The following BTAF1 variants were observed in gnomAD, a reference collection of about 807,000 sequenced individuals.
BTAF1 encodes the protein TATA-binding protein-associated factor 172.
BTAF1 carries 38 observed loss-of-function variants against 227.1 expected under a neutral mutation model. The observed-to-expected ratio is 0.17, with a 90% CI of 0.13 to 0.22. BTAF1 has a LOEUF of 0.22. BTAF1 is among the 10% of genes least tolerant of loss of function. The pLI, the probability that BTAF1 is intolerant of heterozygous loss-of-function variation, is 1.00. For synonymous variants in BTAF1, 742 were observed against 751.9 expected, an observed-to-expected ratio of 0.99 and a Z score of 0.21; for missense variants, 1,598 against 2,204.0, an observed-to-expected ratio of 0.73 and a Z score of 5.51.
intron 18 of BTAF1, among the ~76,000 whole-genome samples, chr10:91,983,287 G>A (rs1848189595): frequency 6.6e-6 from 1 of 152,226 alleles, no homozygotes; most frequent in Admixed American, 6.5e-5. Context: ...CTAGGGAGAT[G>A]TATGATTTTG....
At position 91,964,147 on chromosome 10, in the gene BTAF1, G is replaced by A. The variant is rs777752493; in HGVS notation, c.1475G>A (p.Ser492Asn). 1.9e-6 allele frequency: 3 copies of A among 1,612,812 alleles called. No individual in the cohort carries two copies. The highest frequency in any genetic ancestry group is 1.3e-5 in the African/African-American group (1 of 74,898). ...ELDDLTASTNSIMTLLSSLLT... is the reference protein window; with the variant it reads ...ELDDLTASTNNIMTLLSSLLT... ...GATGATCTAACAGCTTCAACAAATA[G>A]TATTATGACTCTCCTTTCATCCTTG... The change falls in exon 13 of 38, where the codon AGT becomes AAT. Residue 492 changes from serine to asparagine, a missense_variant. Physicochemically the swap from Ser to Asn is conservative, Grantham distance 46. Transcript: ENST00000265990.
At chr10:92,019,087 A>C (rs1756120953) in intron 34 of BTAF1, 152 bp downstream of exon 34, 1 of 770,644 alleles carries the variant, frequency 1.3e-6, no homozygotes, top group Non-Finnish European at 1.9e-6. Flanking sequence ...AAATGTGGTT[A>C]AAATATATAC....
chr10:92,026,582 C>T lies in BTAF1; in HGVS notation c.5076-10C>T. The T allele has an allele frequency of 6.3e-7, 1 of 1,586,172 alleles. No individual in the cohort carries two copies. Among genetic ancestry groups the T allele is most frequent in the East Asian group, 2.2e-5 (1 of 44,514 alleles). On this transcript the variant is annotated splice_polypyrimidine_tract_variant and intron_variant, in intron 35 of 37. Coordinates refer to ENST00000265990, the MANE Select transcript of BTAF1 (RefSeq NM_003972.3). ...AATGGACTAATTTTATTTTTGTTAT[C>T]TACTTTTAGGTTTAATAATGATCCA...
At chr10:91,930,023 TTGGCGTATTTCTC>T (rs1397958779) in intron 1 of BTAF1, among the ~76,000 whole-genome samples, 6 of 152,230 alleles carry the variant, frequency 3.9e-5, no homozygotes, top group Admixed American at 3.9e-4. Flanking sequence ...CCTTATTTCT[TTGGCGTATTTCTC>T]AAGGTACTAG....
At chr10:91,943,171 G>C (rs923094859) in intron 4 of BTAF1, among the ~76,000 whole-genome samples, 1 of 151,992 alleles carries the variant, frequency 6.6e-6, no homozygotes, top group South Asian at 2.1e-4. Flanking sequence ...AAAATTAGCC[G>C]GGCATGGTGG....
intron 14 of BTAF1, among the ~76,000 whole-genome samples, chr10:91,978,405 A>C (rs1456691026): frequency 6.6e-6 from 1 of 152,110 alleles, no homozygotes; most frequent in Non-Finnish European, 1.5e-5. Context: ...GAAAATCAGA[A>C]ATTAAGAGAC....
At chr10:91,927,183 C>T (rs946314973) in intron 1 of BTAF1, among the ~76,000 whole-genome samples, 4 of 151,214 alleles carry the variant, frequency 2.6e-5, no homozygotes, top group Non-Finnish European at 4.4e-5. Flanking sequence ...TTGTTGCCCA[C>T]GCTGGAGTGC....
intron 1 of BTAF1, among the ~76,000 whole-genome samples, chr10:91,929,570 C>T (rs1238415719): frequency 6.6e-6 from 1 of 152,120 alleles, no homozygotes; most frequent in Non-Finnish European, 1.5e-5. Context: ...TTTCAACAGG[C>T]CTATTCTGTC....
Position 91,959,803 on chromosome 10 carries a change from G to C in BTAF1, c.1009G>C (p.Glu337Gln). 1 of 1,588,950 alleles carries C rather than the reference G, an allele frequency of 6.3e-7. No homozygotes were observed. Residue 337 changes from glutamate to glutamine, a missense_variant, in exon 10 of 38, where the codon GAG becomes CAG. Around this residue, in one of 10 missense-constraint regions of BTAF1, gnomAD observed 298 missense variants for 395.2 expected, o/e 0.75. Coordinates refer to ENST00000265990, the MANE Select transcript of BTAF1 (RefSeq NM_003972.3). ...TTAACAGATGATTCAGCAGCATCAA[G>C]AGTGGTTGGAAGACTTGGTTATTAG... ...TLEEMIQQHQ[E>Q]WLEDLVIRLL...
intron 1 of BTAF1, among the ~76,000 whole-genome samples, chr10:91,925,280 A>G (rs1843746941): frequency 6.6e-6 from 1 of 152,166 alleles, no homozygotes; most frequent in Non-Finnish European, 1.5e-5. Context: ...ACATTTTTGC[A>G]AATATAGAAA....
In BTAF1 at chr10:91,980,576, T is replaced by C; in HGVS notation, c.1755+18T>C. 3.2e-6 allele frequency: 5 copies of C among 1,570,006 alleles called. No homozygotes were observed. The highest frequency in any genetic ancestry group is 4.4e-6 in the Non-Finnish European group (5 of 1,141,618). Reference sequence around the variant, plus strand: ...TTCACAAGGTACACAGCAAATGTATTTGTGTTCCTTTTCCTAGTAACTTTT... The same window carrying C: ...TTCACAAGGTACACAGCAAATGTATCTGTGTTCCTTTTCCTAGTAACTTTT... On this transcript the variant is annotated intron_variant, in intron 15 of 37. Coordinates refer to ENST00000265990, the MANE Select transcript of BTAF1 (RefSeq NM_003972.3).
intron 7 of BTAF1, 58 bp downstream of exon 7, chr10:91,956,715 A>T: frequency 1.3e-6 from 2 of 1,553,966 alleles, no homozygotes. Context: ...TTGGGCCAGC[A>T]GCGGTGGCTC....
Position 91,929,556 on chromosome 10 carries a change from A to G in BTAF1, c.14+5466A>G, listed in dbSNP as rs1378576042. Among the ~76,000 whole-genome samples, 5 of 152,186 alleles carry G rather than the reference A, an allele frequency of 3.3e-5. No homozygotes were observed. The South Asian group carries it at 8.3e-4, about 25-fold the overall frequency. ...TGCACTGTTGATACTTCAGAGCAAC[A>G]TTGTTTCAACAGGCCTATTCTGTCA... On this transcript the variant is annotated intron_variant, in intron 1 of 37. Transcript: ENST00000265990.
chr10:91,992,046 C>A, intron 20 of BTAF1, 73 bp from the exon 21 acceptor site: 1 of 1,254,128 alleles, frequency 8.0e-7, no homozygotes, highest in Non-Finnish European at 1.1e-6. Context: ...AATGTTTTAT[C>A]TCTTATGGAG....
At chr10:91,991,131 AG>A (rs1462879216) in intron 20 of BTAF1, among the ~76,000 whole-genome samples, 1 of 151,408 alleles carries the variant, frequency 6.6e-6, no homozygotes, top group African/African-American at 2.4e-5. Flanking sequence ...CTGTAGTCCC[AG>A]CTACTCAGGA....
chr10:92,009,020 T>C (rs371939333), intron 27 of BTAF1, 21 bp from the exon 28 acceptor site: 71 of 1,612,660 alleles, frequency 4.4e-5, no homozygotes, highest in Non-Finnish European at 5.1e-5. Context: ...GGTTAATTTA[T>C]TGTGTTTTGC....
intron 25 of BTAF1, among the ~76,000 whole-genome samples, chr10:92,001,484 T>G (rs1257758802): frequency 6.6e-6 from 1 of 152,156 alleles, no homozygotes; most frequent in African/African-American, 2.4e-5. Context: ...TCTACCATAC[T>G]GAGCATCAAG....
At chr10:91,956,034 A>G (rs1388779410) in intron 6 of BTAF1, among the ~76,000 whole-genome samples, 2 of 152,130 alleles carry the variant, frequency 1.3e-5, no homozygotes, top group Non-Finnish European at 2.9e-5. Flanking sequence ...TCTTTAAGTC[A>G]TAATAGAACA....
intron 14 of BTAF1, among the ~76,000 whole-genome samples, chr10:91,967,134 T>C (rs957025956): frequency 7.9e-5 from 12 of 152,188 alleles, no homozygotes; most frequent in African/African-American, 2.7e-4. Flanking sequence ...AGGCTACATT[T>C]GAAGGTCTAG....
Sources: allele counts gnomAD v4.1 joint callset (sites outside exome capture counted in the v4.1 genomes callset), GRCh38; gene constraint gnomAD v4.1.1; regional missense constraint gnomAD v4.1.1; transcripts MANE v1.5; gene names NCBI Gene and HGNC (gene_info 2026-07-23, HGNC 2026-07-21).